The following DIAPH2 variants were observed in gnomAD, a reference collection of about 807,000 sequenced individuals.
DIAPH2 encodes protein diaphanous homolog 2.
Under a neutral mutation model 92.7 loss-of-function variants are expected in DIAPH2, and 35 were observed. The ratio of observed to expected loss-of-function variants is 0.38; its 90% CI spans 0.29 to 0.50. DIAPH2 has a LOEUF of 0.50. Among genes scored for constraint, DIAPH2 ranks in the 20% least tolerant of loss-of-function variants. The pLI is 0.94. For missense variants in DIAPH2, 701 were observed against 819.5 expected, an observed-to-expected ratio of 0.86 and a Z score of 1.77; for synonymous variants, 301 against 280.4, an observed-to-expected ratio of 1.07 and a Z score of -0.73.
At chrX:97,119,518 G>C (rs1255136514) in intron 21 of DIAPH2, among the ~76,000 whole-genome samples, 2 of 112,029 alleles carry the variant, frequency 1.8e-5, no homozygotes, top group Non-Finnish European at 1.9e-5. Flanking sequence ...TTCTATTTTT[G>C]TGCTGGTTGG....
intron 26 of DIAPH2, among the ~76,000 whole-genome samples, chrX:97,563,164 G>T (rs940424769): frequency 1.8e-5 from 2 of 111,770 alleles, no homozygotes; most frequent in African/African-American, 6.5e-5. Context: ...GTTTCCTAGA[G>T]TAGGAAATAA....
chrX:97,168,546 G>GGTA (rs1381142216), intron 22 of DIAPH2, among the ~76,000 whole-genome samples: 3 of 111,019 alleles, frequency 2.7e-5, no homozygotes, highest in Non-Finnish European at 5.7e-5. Flanking sequence ...CACAGTTCTA[G>GGTA]GTAGTGTGGA....
At chrX:97,410,681 T>A (rs1451238255) in intron 25 of DIAPH2, among the ~76,000 whole-genome samples, 1 of 111,643 alleles carries the variant, frequency 9.0e-6, no homozygotes, top group Non-Finnish European at 1.9e-5. Flanking sequence ...ATTAGACGAA[T>A]GGCTAACTAG....
intron 4 of DIAPH2, among the ~76,000 whole-genome samples, chrX:96,785,078 G>C (rs1467588424): frequency 8.9e-6 from 1 of 111,967 alleles, no homozygotes; most frequent in Non-Finnish European, 1.9e-5. Flanking sequence ...GTCAGCCATT[G>C]CTATTGTTGT....
chrX:97,489,604 A>T (rs892339242), intron 26 of DIAPH2, among the ~76,000 whole-genome samples: 1 of 110,735 alleles, frequency 9.0e-6, no homozygotes, highest in African/African-American at 3.3e-5. Flanking sequence ...GTTGAGGTAA[A>T]TTCCTTGTAT....
intron 26 of DIAPH2, among the ~76,000 whole-genome samples, chrX:97,543,137 G>A (rs1012507438): frequency 2.7e-5 from 3 of 112,205 alleles, no homozygotes; most frequent in African/African-American, 9.7e-5. Flanking sequence ...ATTGGTCCAG[G>A]GTAGTCCCAT....
chrX:96,742,946 G>A (rs2064129029), intron 3 of DIAPH2, among the ~76,000 whole-genome samples: 1 of 112,561 alleles, frequency 8.9e-6, no homozygotes, highest in Non-Finnish European at 1.9e-5. Flanking sequence ...TTACAGGCAT[G>A]AGCCACTGTG....
chrX:97,554,476 A>G (rs757904008), intron 26 of DIAPH2, among the ~76,000 whole-genome samples: 179 of 112,190 alleles, frequency 1.6e-3, no homozygotes, highest in African/African-American at 5.5e-3. Context: ...AAGCTTTCCC[A>G]TACCTTATAC....
At chrX:97,270,421 A>G (rs1205380815) in intron 23 of DIAPH2, among the ~76,000 whole-genome samples, 3 of 112,093 alleles carry the variant, frequency 2.7e-5, no homozygotes, top group Non-Finnish European at 5.6e-5. Context: ...GTACAGAGGG[A>G]CTAAGTTGCC....
chrX:97,222,612 C>T (rs1233245308), intron 22 of DIAPH2, among the ~76,000 whole-genome samples: 1 of 111,969 alleles, frequency 8.9e-6, no homozygotes, highest in Non-Finnish European at 1.9e-5. Context: ...AGTGATAAGA[C>T]CCCATATTAA....
chrX:96,956,785 T>A (rs1296398311), intron 15 of DIAPH2, among the ~76,000 whole-genome samples: 1 of 112,047 alleles, frequency 8.9e-6, no homozygotes, highest in Non-Finnish European at 1.9e-5. Flanking sequence ...GTTAAAGCCA[T>A]TCAACAAGTC....
intron 4 of DIAPH2, among the ~76,000 whole-genome samples, chrX:96,841,896 A>G (rs963946839): frequency 9.0e-6 from 1 of 111,240 alleles, no homozygotes; most frequent in Admixed American, 9.6e-5. Context: ...GGATTTGGGT[A>G]GGTAGTGGAA....
At chrX:96,755,065 G>A (rs144020227) in intron 3 of DIAPH2, among the ~76,000 whole-genome samples, 1,163 of 109,702 alleles carry the variant, frequency 0.011, 23 homozygotes, top group African/African-American at 0.036. Flanking sequence ...ATGAGAGAGA[G>A]ATGAAAAAGA....
chrX:96,745,046 G>C lies in DIAPH2; in HGVS notation c.342+6284G>C, dbSNP rs762349137. ...TTTGAGATGGAGTTTTGCTCTTGTT[G>C]CCCAGGCTGGAGTGCAATGGCGCGA... On this transcript the variant is annotated intron_variant, in intron 3 of 26. Coordinates refer to ENST00000324765, the MANE Select transcript of DIAPH2 (RefSeq NM_006729.5). Among the ~76,000 whole-genome samples the C allele has an allele frequency of 3.6e-3, 352 of 98,148 alleles. 2 individuals carry two copies. Among genetic ancestry groups the C allele is most frequent in the African/African-American group, 0.013 (339 of 26,439 alleles). 85.2% of individuals were successfully genotyped at this position (98,148 alleles called of 115,157 possible).
intron 22 of DIAPH2, among the ~76,000 whole-genome samples, chrX:97,149,739 A>AAAAAAG (rs2067272677): frequency 1.9e-5 from 2 of 106,631 alleles, no homozygotes; most frequent in South Asian, 8.2e-4. Context: ...TCAAAAAAAA[A>AAAAAAG]AAAAAAAAAA....
chrX:97,486,692 T>C (rs961480137), intron 26 of DIAPH2, among the ~76,000 whole-genome samples: 1 of 112,187 alleles, frequency 8.9e-6, no homozygotes, highest in African/African-American at 3.2e-5. Context: ...AGGTAGTCAC[T>C]TGTTTACCTC....
intron 24 of DIAPH2, among the ~76,000 whole-genome samples, chrX:97,375,415 C>T (rs772488475): frequency 3.2e-4 from 36 of 110,936 alleles, no homozygotes; most frequent in African/African-American, 8.8e-4. Context: ...AAGATCGTGC[C>T]ATTGCACTCC....
At chrX:97,142,516 A>ATG (rs1389609259) in intron 22 of DIAPH2, among the ~76,000 whole-genome samples, 1 of 111,327 alleles carries the variant, frequency 9.0e-6, no homozygotes, top group African/African-American at 3.3e-5. Flanking sequence ...TCTAGTCTTG[A>ATG]TGTGGTAAGC....
intron 22 of DIAPH2, among the ~76,000 whole-genome samples, chrX:97,176,310 C>A (rs943584783): frequency 9.0e-6 from 1 of 111,346 alleles, no homozygotes; most frequent in South Asian, 3.8e-4. Context: ...ATTATTATAT[C>A]TTTACTCTTT....
Sources: allele counts gnomAD v4.1 joint callset (sites outside exome capture counted in the v4.1 genomes callset), GRCh38; gene constraint gnomAD v4.1.1; transcripts MANE v1.5; gene names NCBI Gene and HGNC (gene_info 2026-07-23, HGNC 2026-07-21).